Variants in FEZF1 observed in about 807,000 individuals in gnomAD.
The protein encoded by FEZF1 is FEZ family zinc finger 1, also known as fez family zinc finger protein 1.
In FEZF1, 8 loss-of-function variants were observed where a neutral mutation model predicts 32.4. The observed-to-expected ratio is 0.25, with a 90% CI of 0.15 to 0.45. FEZF1 has a LOEUF of 0.45. FEZF1 is among the 20% of genes least tolerant of loss of function. FEZF1 has a pLI of 1.00. For synonymous variants in FEZF1, 259 were observed against 265.2 expected (o/e 0.98, Z 0.23); for missense variants, 546 against 622.3 (o/e 0.88, Z 1.31).
rs2031201184 is a variant in FEZF1 at position 122,304,381 on chromosome 7, C to T, written c.57G>A (p.Arg19=). The T allele has an allele frequency of 6.3e-7, 1 of 1,597,666 alleles. No individual in the cohort carries two copies. Among genetic ancestry groups the T allele is most frequent in the African/African-American group, 1.3e-5 (1 of 74,478 alleles). ...GTTTGGACGTGCTCATCATGTTGCC[C>T]CGAGCTGGAGCAGTCGCTAACATTT... ...TTKMLATAPA[R]GNMMSTSKPL... Residue 19 remains arginine (R), a synonymous_variant, in exon 1 of 4, where the codon CGG becomes CGA. Coordinates refer to ENST00000442488, the MANE Select transcript of FEZF1 (RefSeq NM_001024613.4).
chr7:122,303,560 AGGAG>A (rs1346788805), intron 1 of FEZF1, 73 bp downstream of exon 1: 80 of 680,834 alleles, frequency 1.2e-4, no homozygotes, highest in African/African-American at 6.0e-4. Flanking sequence ...GAAGGAGGGA[AGGAG>A]GGAGGGAGGG....
At position 122,302,889 on chromosome 7, in the gene FEZF1, T is replaced by C; in HGVS notation, c.979A>G (p.Arg327Gly). The change falls in exon 3 of 4, where the codon AGA (arginine) becomes GGA (glycine). Residue 327 changes from arginine to glycine, a missense_variant. Arg to Gly is a moderately radical substitution (Grantham distance 125, BLOSUM62 -2). This residue lies in a region of FEZF1 where 118 missense variants were observed against 188.7 expected (regional missense o/e 0.63). Coordinates refer to ENST00000442488, the MANE Select transcript of FEZF1 (RefSeq NM_001024613.4). The surrounding 1 kb of genome is among the most constrained non-coding windows in gnomAD (Gnocchi z 4.4). ...KCNQCGKAFN[R>G]SSTLNTHTRI... ...GTATGAGTGTTTAAAGTGGAACTTC[T>C]ATTAAATGCTTTGCCACACTGGTTA... 6.2e-7 allele frequency: 1 copy of C among 1,613,724 alleles called. No homozygotes were observed. The highest frequency in any genetic ancestry group is 8.5e-7 in the Non-Finnish European group (1 of 1,179,780).
In FEZF1 at chr7:122,301,337, T is replaced by C. The variant is rs1179768128; in HGVS notation, c.*660A>G. On this transcript the variant is annotated 3_prime_UTR_variant, in exon 4 of 4. Coordinates refer to ENST00000442488, the MANE Select transcript of FEZF1 (RefSeq NM_001024613.4). ...TAAATAAGCATGTTCCAAGTATTTATTTCCAACAGTCAATGAATCAATTTT... is the reference window on the plus strand; with the variant it reads ...TAAATAAGCATGTTCCAAGTATTTACTTCCAACAGTCAATGAATCAATTTT... The C allele has an allele frequency of 3.3e-5, 5 of 152,242 alleles. No homozygotes were observed. Among genetic ancestry groups the C allele is most frequent in the African/African-American group, 1.2e-4 (5 of 41,448 alleles). 9.4% of individuals were successfully genotyped at this position (152,242 alleles called of 1,614,324 possible). A position where few individuals can be genotyped will look rare whatever the true frequency, so the allele number is the denominator to read the frequency against.
chr7:122,308,770 C>T (rs548667667), upstream of FEZF1, among the ~76,000 whole-genome samples: 1 of 152,230 alleles, frequency 6.6e-6, no homozygotes, highest in South Asian at 2.1e-4. Context: ...ACCCCCAGCC[C>T]CTTCACCAAG....
rs1260776628 is a variant in FEZF1, at chr7:122,301,666, T to TAAAAA, written c.*330_*331insTTTTT. 3 of 269,526 alleles carry TAAAAA rather than the reference T, an allele frequency of 1.1e-5. No individual in the cohort carries two copies. The highest frequency in any genetic ancestry group is 2.0e-5 in the Non-Finnish European group (3 of 146,602). 16.7% of individuals were successfully genotyped at this position (269,526 alleles called of 1,614,324 possible). On this transcript the variant is annotated 3_prime_UTR_variant, in exon 4 of 4. Coordinates refer to ENST00000442488, the MANE Select transcript of FEZF1 (RefSeq NM_001024613.4). ...TCAATAAATATAGCAGAAATTTGTT[T>TAAAAA]AAACAAAACAAAACAAAATAAACAC... is the stretch of plus-strand genomic sequence containing the variant.
upstream of FEZF1, chr7:122,308,520 C>T (rs552266097): frequency 1.3e-5 from 2 of 152,218 alleles, no homozygotes; most frequent in East Asian, 3.9e-4. Flanking sequence ...TAAGCAAATG[C>T]AGTTTCTGGC....
In FEZF1 at chr7:122,303,777, G is replaced by A. The variant is rs1179197849; in HGVS notation, c.661C>T (p.Leu221=). The change falls in exon 1 of 4, where the codon CTG becomes TTG. Residue 221 remains leucine (L), a synonymous_variant. Coordinates refer to ENST00000442488, the MANE Select transcript of FEZF1 (RefSeq NM_001024613.4). ...KYPSGVAFKD[L]SQAQLQHYMK... ...TAATGCTGCAGCTGAGCCTGGGACA[G>A]GTCTTTGAAAGCTACTCCAGAAGGG... 6.2e-7 allele frequency: 1 copy of A among 1,614,092 alleles called. No individual in the cohort carries two copies. Among genetic ancestry groups the A allele is most frequent in the Non-Finnish European group, 8.5e-7 (1 of 1,180,046 alleles).
chr7:122,303,512 A>AGGGAGGAG, intron 1 of FEZF1, 125 bp downstream of exon 1: 1 of 493,604 alleles, frequency 2.0e-6, no homozygotes, highest in East Asian at 3.6e-5. Context: ...GAAGGAAGGA[A>AGGGAGGAG]GGAAGGAAGG....
chr7:122,307,878 A>G (rs2031329460), upstream of FEZF1, among the ~76,000 whole-genome samples: 1 of 152,252 alleles, frequency 6.6e-6, no homozygotes. Flanking sequence ...TAGTAATACT[A>G]TCTCTATTAA....
intron 1 of FEZF1, 146 bp downstream of exon 1, chr7:122,303,491 A>AAGGG: frequency 2.2e-6 from 1 of 463,646 alleles, no homozygotes; most frequent in South Asian, 3.0e-5. Flanking sequence ...GGAAGGAAGG[A>AAGGG]AGGAAGGAAG....
chr7:122,301,886 G>T lies in FEZF1; in HGVS notation c.*111C>A. 1 of 1,453,280 alleles carries T rather than the reference G, an allele frequency of 6.9e-7. No homozygotes were observed. Among genetic ancestry groups the T allele is most frequent in the Non-Finnish European group, 9.1e-7 (1 of 1,093,296 alleles). 90.0% of individuals were successfully genotyped at this position (1,453,280 alleles called of 1,614,324 possible). On this transcript the variant is annotated 3_prime_UTR_variant, in exon 4 of 4. Coordinates refer to ENST00000442488, the MANE Select transcript of FEZF1 (RefSeq NM_001024613.4). ...AGAGGCTTCTGGTCGGCCCTGAAGTGTGGGGCCCAACATGCCCTGGGGTCT... is the reference window on the plus strand; with the variant it reads ...AGAGGCTTCTGGTCGGCCCTGAAGTTTGGGGCCCAACATGCCCTGGGGTCT...
At chr7:122,308,154 T>C (rs976073801), upstream of FEZF1, among the ~76,000 whole-genome samples, 8 of 152,246 alleles carry the variant, frequency 5.3e-5, no homozygotes, top group Non-Finnish European at 1.2e-4. Context: ...TTGAGAATCC[T>C]ATAATCCTAT....
rs1044842458 is a variant in FEZF1 at position 122,304,186 on chromosome 7, C to T, written c.252G>A (p.Thr84=). ...MIPFVPVAYD[T]SPKAGVTGSE... is the part of the protein sequence containing the mutation. Reference sequence around the variant, plus strand: ...AGCCCGTCACTCCTGCCTTGGGGCTCGTGTCGTAGGCCACAGGCACGAAGG... The same window carrying T: ...AGCCCGTCACTCCTGCCTTGGGGCTTGTGTCGTAGGCCACAGGCACGAAGG... Residue 84 remains threonine (T), a synonymous_variant, in exon 1 of 4, where the codon ACG becomes ACA. Coordinates refer to ENST00000442488, the MANE Select transcript of FEZF1 (RefSeq NM_001024613.4). 3 of 1,598,090 alleles carry T rather than the reference C, an allele frequency of 1.9e-6. No homozygotes were observed. Among genetic ancestry groups the T allele is most frequent in the African/African-American group, 2.7e-5 (2 of 74,552 alleles).
At chr7:122,310,063 T>A (rs1237485031) in intron 1 of FEZF1, 1 of 152,186 alleles carries the variant, frequency 6.6e-6, no homozygotes, top group African/African-American at 2.4e-5. Context: ...GAAATAAAAG[T>A]CGATAATAGA....
rs758693318 is a variant in FEZF1, at chr7:122,302,902, G to C, written c.966C>G (p.Gly322=). The C allele has an allele frequency of 2.2e-5, 36 of 1,613,062 alleles. 1 individual carries two copies. The South Asian group carries it at 3.9e-4, about 17-fold the overall frequency. ...AAGTGGAACTTCTATTAAATGCTTT[G>C]CCACACTGGTTACATTTGTGAGGTT... ...QEKPHKCNQC[G]KAFNRSSTLN... The change falls in exon 3 of 4, where the codon GGC becomes GGG. Residue 322 remains glycine (G), a synonymous_variant. Coordinates refer to ENST00000442488, the MANE Select transcript of FEZF1 (RefSeq NM_001024613.4). This position sits in a 1 kb window ranked among gnomAD's most constrained non-coding sequence, Gnocchi z 4.4.
At chr7:122,303,064 G>A (rs2031102930) in intron 2 of FEZF1, 113 bp downstream of exon 2, 3 of 1,545,548 alleles carry the variant, frequency 1.9e-6, no homozygotes, top group African/African-American at 1.4e-5. Context: ...CATTCACCCT[G>A]TTTAGCTAGC....
At chr7:122,303,516 AGGAAGGAAGGAAGGAAGGAAGGAGGGAG>A (rs2031127737) in intron 1 of FEZF1, 93 bp downstream of exon 1, 12 of 532,458 alleles carry the variant, frequency 2.3e-5, no homozygotes, top group Admixed American at 6.8e-5. Flanking sequence ...GAAGGAAGGA[AGGAAGGAAGGAAGGAAGGAAGGAGGGAG>A]GGAAGGAAGG....
Position 122,304,432 on chromosome 7 carries a change from G to A in FEZF1, c.6C>T (p.Asp2=). M[D]SSCHNATTKM... The stretch of plus-strand genomic sequence containing the variant: ...TGGTAGTCGCGTTGTGGCAGCTACT[G>A]TCCATGTCTGAGTCGCCAGCGTCCG... Residue 2 remains aspartate (D), a synonymous_variant, in exon 1 of 4, where the codon GAC becomes GAT. Transcript: ENST00000442488. 6.4e-7 allele frequency: 1 copy of A among 1,553,008 alleles called. No homozygotes were observed.
chr7:122,303,857 G>T lies in FEZF1; in HGVS notation c.581C>A (p.Pro194Gln). The T allele has an allele frequency of 6.2e-7, 1 of 1,614,210 alleles. No homozygotes were observed. The highest frequency in any genetic ancestry group is 1.7e-5 in the Admixed American group (1 of 60,032). The change falls in exon 1 of 4, where the codon CCA (proline) becomes CAA (glutamine). Residue 194 changes from proline to glutamine, a missense_variant. Pro to Gln is a moderately conservative substitution (Grantham distance 76). Transcript: ENST00000442488. ...YFLSSPLHPQ[P>Q]KTYLAERNKL... ...ATTCCTTTCGGCTAAATACGTTTTT[G>T]GCTGCGGGTGCAAAGGGGAACTGAG...
Sources: allele counts gnomAD v4.1 joint callset (sites outside exome capture counted in the v4.1 genomes callset), GRCh38; gene constraint gnomAD v4.1.1; regional missense constraint gnomAD v4.1.1; non-coding constraint Gnocchi (gnomAD v3.1); transcripts MANE v1.5; gene names NCBI Gene and HGNC (gene_info 2026-07-23, HGNC 2026-07-21).